The following AFDN variants were observed in gnomAD, a reference collection of about 807,000 sequenced individuals.
AFDN encodes afadin.
A neutral mutation model predicts 216.6 loss-of-function variants in AFDN; 68 were observed. The ratio of observed to expected loss-of-function variants is 0.31; its 90% confidence interval spans 0.26 to 0.38. AFDN has a LOEUF of 0.38. Among genes scored for constraint, AFDN ranks in the 10% least tolerant of loss-of-function variants. The pLI is 1.00. For synonymous variants in AFDN, 868 were observed against 853.7 expected (o/e 1.02, Z -0.29); for missense variants, 2,136 against 2,342.0 (o/e 0.91, Z 1.82).
At chr6:167,850,065 G>C (rs1319561336) in intron 1 of AFDN, among the ~76,000 whole-genome samples, 1 of 152,132 alleles carries the variant, frequency 6.6e-6, no homozygotes, top group African/African-American at 2.4e-5. Flanking sequence ...TAGGCAGGAG[G>C]TACCGGTTGG....
rs1311228468 is a variant in AFDN at position 167,946,888 on chromosome 6, C to T, written c.3540C>T (p.Ser1180=). The stretch of plus-strand genomic sequence containing the variant: ...AAAATAGAGCTGATCACCGTTCCAG[C>T]CCCAACGTAGCAAGTAAGAGTGACA... ...LMKNRADHRS[S]PNVANQPPSP... Residue 1180 remains serine (S), a synonymous_variant, in exon 27 of 34, where the codon AGC becomes AGT. Coordinates refer to ENST00000683244, the MANE Select transcript of AFDN (RefSeq NM_001386888.1). The T allele has an allele frequency of 6.2e-7, 1 of 1,611,060 alleles. No homozygotes were observed. The highest frequency in any genetic ancestry group is 1.3e-5 in the African/African-American group (1 of 74,676).
chr6:167,929,209 A>C (rs1792953423), intron 23 of AFDN, among the ~76,000 whole-genome samples: 1 of 151,756 alleles, frequency 6.6e-6, no homozygotes, highest in South Asian at 2.1e-4. Flanking sequence ...GTAGAGTGTA[A>C]ATTTTCACTT....
At chr6:167,837,367 A>G (rs1018063338) in intron 1 of AFDN, among the ~76,000 whole-genome samples, 5 of 151,708 alleles carry the variant, frequency 3.3e-5, no homozygotes, top group South Asian at 2.1e-4. Context: ...ATCTGAAGAA[A>G]TGAGTTGCTT....
At chr6:167,828,365 G>A (rs564768509) in intron 1 of AFDN, among the ~76,000 whole-genome samples, 1 of 152,176 alleles carries the variant, frequency 6.6e-6, no homozygotes, top group South Asian at 2.1e-4. Context: ...CTGATTTCTT[G>A]AGTTTTTGCC....
At position 167,962,840 on chromosome 6, in the gene AFDN, C is replaced by T. The variant is rs188305215; in HGVS notation, c.4968+273C>T. The T allele has an allele frequency of 7.3e-5, 93 of 1,271,338 alleles. No homozygotes were observed. The East Asian group carries it at 2.5e-3, about 35-fold the overall frequency. 78.8% of individuals were successfully genotyped at this position (1,271,338 alleles called of 1,614,324 possible). ...GCGTGTGTAGCAGTGAGCCTCTTTG[C>T]AAAGGGTTCGTTTCCTCGGGCACTC... On this transcript the variant is annotated intron_variant, in intron 31 of 33. Transcript: ENST00000683244. The surrounding 1 kb of genome is among the most constrained non-coding windows in gnomAD (Gnocchi z 5.2).
At position 167,896,913 on chromosome 6, in the gene AFDN, C is replaced by T. The variant is rs202167796; in HGVS notation, c.1258C>T (p.Arg420Cys). The change falls in exon 10 of 34, where the codon CGC becomes TGC. Residue 420 changes from arginine (R) to cysteine (C), a missense_variant. Arg to Cys is a radical substitution (Grantham distance 180). Transcript: ENST00000683244. ...SDSRDKPKLY[R>C]LQLSVTEVGT... is the part of the protein sequence containing the mutation. ...CTCTAGAGATAAGCCAAAGCTTTAC[C>T]GCCTTCAGTTAAGTGTTACTGAAGT... The T allele has an allele frequency of 9.9e-6, 16 of 1,613,656 alleles. No individual in the cohort carries two copies. In the Admixed American group the frequency reaches 1.8e-4, roughly 18 times the overall value.
At chr6:167,902,272 T>C (rs1307477657) in intron 11 of AFDN, 45 bp from the exon 12 acceptor site, 2 of 1,396,450 alleles carry the variant, frequency 1.4e-6, no homozygotes, top group African/African-American at 1.4e-5. Flanking sequence ...ATGCCTGTCA[T>C]TGGAATGTTA....
intron 1 of AFDN, among the ~76,000 whole-genome samples, chr6:167,853,926 C>T (rs1340191048): frequency 1.3e-5 from 2 of 152,032 alleles, no homozygotes; most frequent in African/African-American, 4.8e-5. Flanking sequence ...TAAACATTGC[C>T]ACAGTGAATA....
intron 12 of AFDN, among the ~76,000 whole-genome samples, chr6:167,906,867 A>G (rs976412252): frequency 6.6e-6 from 1 of 152,216 alleles, no homozygotes; most frequent in African/African-American, 2.4e-5. Flanking sequence ...TCGAATTACT[A>G]TTAATGTACT....
rs562668094 is a variant in AFDN, at chr6:167,970,279, C to G, written c.*344C>G. ...ATGGATGTGTCTTCTCTCCCATCTT[C>G]CCCTCATCATCGACCGAGGAGCACA... On this transcript the variant is annotated 3_prime_UTR_variant, in exon 34 of 34. Transcript: ENST00000683244. 9 of 283,252 alleles carry G rather than the reference C, an allele frequency of 3.2e-5. No homozygotes were observed. The East Asian group carries it at 4.8e-4, about 15-fold the overall frequency. 17.5% of individuals were successfully genotyped at this position (283,252 alleles called of 1,614,324 possible). A position where few individuals can be genotyped will look rare whatever the true frequency, so the allele number is the denominator to read the frequency against.
chr6:167,932,129 T>G (rs1257209922), intron 23 of AFDN, among the ~76,000 whole-genome samples: 3 of 152,218 alleles, frequency 2.0e-5, no homozygotes, highest in African/African-American at 7.2e-5. Context: ...TATAGACTTG[T>G]GTCGTTAAAT....
At chr6:167,866,124 T>G (rs936697428) in intron 2 of AFDN, among the ~76,000 whole-genome samples, 1 of 151,886 alleles carries the variant, frequency 6.6e-6, no homozygotes, top group Non-Finnish European at 1.5e-5. Context: ...ACCTTTTTTT[T>G]CTTTTTAGTC....
At chr6:167,842,977 C>T (rs1781240077) in intron 1 of AFDN, among the ~76,000 whole-genome samples, 1 of 151,954 alleles carries the variant, frequency 6.6e-6, no homozygotes, top group Non-Finnish European at 1.5e-5. Flanking sequence ...ATTTTGGTGG[C>T]CAGTCTTGGA....
chr6:167,870,237 A>C (rs1346325435), intron 2 of AFDN, 149 bp from the exon 3 acceptor site: 1 of 518,738 alleles, frequency 1.9e-6, no homozygotes, highest in Non-Finnish European at 3.4e-6. Context: ...ATTAATTAAA[A>C]CAAATGATTT....
rs372723744 is a variant in AFDN, at chr6:167,965,976, G to A, written c.5188G>A (p.Asp1730Asn). ...CCTCAAAACACAGGTCCTCTCCCCC[G>A]ACTCGCTGTTCACTGCCAAGTTTGT... ...SYLKTQVLSPDSLFTAKFVAY... is the reference protein window; with the variant it reads ...SYLKTQVLSPNSLFTAKFVAY... The change falls in exon 32 of 34, where the codon GAC becomes AAC. Residue 1730 changes from aspartate (D) to asparagine (N), a missense_variant. This residue lies in a region of AFDN where 981 missense variants were observed against 966.0 expected (regional missense o/e 1.02). Coordinates refer to ENST00000683244, the MANE Select transcript of AFDN (RefSeq NM_001386888.1). The A allele has an allele frequency of 2.6e-4, 391 of 1,498,696 alleles. 2 individuals are homozygous for A. Among genetic ancestry groups the A allele is most frequent in the Non-Finnish European group, 8.3e-5 (93 of 1,116,868 alleles). The allele number at this position is 1,498,696 out of a possible 1,614,324, so 92.8% of individuals were successfully genotyped here.
At chr6:167,873,719 T>C (rs1785033967) in intron 4 of AFDN, among the ~76,000 whole-genome samples, 1 of 152,236 alleles carries the variant, frequency 6.6e-6, no homozygotes, top group Non-Finnish European at 1.5e-5. Context: ...CTCTACAGTA[T>C]ATAATACCTT....
chr6:167,871,407 T>C (rs1040672626), intron 3 of AFDN, among the ~76,000 whole-genome samples: 18 of 152,212 alleles, frequency 1.2e-4, no homozygotes, highest in African/African-American at 4.3e-4. Context: ...CAGACCCTCA[T>C]TGACATGTAT....
intron 26 of AFDN, 34 bp downstream of exon 26, chr6:167,944,093 A>T (rs1427488618): frequency 2.6e-6 from 4 of 1,516,792 alleles, no homozygotes; most frequent in Non-Finnish European, 3.7e-6. Flanking sequence ...AGTGTTTTAC[A>T]GTCATGGCCT....
At position 167,870,508 on chromosome 6, in the gene AFDN, C is replaced by T. The variant is rs201694306; in HGVS notation, c.414+10C>T. 110 of 1,556,528 alleles carry T rather than the reference C, an allele frequency of 7.1e-5. No individual in the cohort carries two copies. The highest frequency in any genetic ancestry group is 8.6e-5 in the Non-Finnish European group (98 of 1,134,456). On this transcript the variant is annotated intron_variant, in intron 3 of 33. Transcript: ENST00000683244. ...CGCCATTCCTCCTAAGGTAGGAACC[C>T]TCAGTATTTTATGACGGTCTTGGTC...
Sources: allele counts gnomAD v4.1 joint callset (sites outside exome capture counted in the v4.1 genomes callset), GRCh38; gene constraint gnomAD v4.1.1; regional missense constraint gnomAD v4.1.1; non-coding constraint Gnocchi (gnomAD v3.1); transcripts MANE v1.5; gene names NCBI Gene and HGNC (gene_info 2026-07-23, HGNC 2026-07-21).